CRACDL: variants seen among roughly 807,000 people sequenced by gnomAD.
The protein encoded by CRACDL is CRACD like, also known as CRACD-like protein.
In CRACDL, 26 loss-of-function variants were observed where a neutral mutation model predicts 70.6. The observed-to-expected ratio is 0.37, with a 90% CI of 0.27 to 0.51. The LOEUF (loss-of-function observed/expected upper bound fraction) is 0.51, where lower values mean the gene tolerates loss of function less well. Among genes scored for constraint, CRACDL ranks in the 20% least tolerant of loss-of-function variants. The pLI is 0.94. For missense variants in CRACDL, 1,283 were observed against 1,376.9 expected (o/e 0.93, Z 1.08); for synonymous variants, 618 against 615.2 (o/e 1.00, Z -0.07).
At chr2:98,834,954 G>A (rs72811067) in intron 3 of CRACDL, among the ~76,000 whole-genome samples, 1 of 152,054 alleles carries the variant, frequency 6.6e-6, no homozygotes, top group Non-Finnish European at 1.5e-5. Flanking sequence ...ATATGAAATT[G>A]CACTCTGTAG....
intron 9 of CRACDL, among the ~76,000 whole-genome samples, chr2:98,795,460 G>A (rs968111158): frequency 2.0e-5 from 3 of 152,072 alleles, no homozygotes; most frequent in African/African-American, 4.8e-5. Flanking sequence ...AGATATAAAA[G>A]GGTACATACG....
At chr2:98,849,021 G>T (rs1706373712) in intron 1 of CRACDL, among the ~76,000 whole-genome samples, 1 of 152,250 alleles carries the variant, frequency 6.6e-6, no homozygotes, top group Non-Finnish European at 1.5e-5. Flanking sequence ...AGTGACAGAT[G>T]AGACCCACGT....
At chr2:98,893,072 C>T (rs1227859480) in intron 1 of CRACDL, among the ~76,000 whole-genome samples, 1 of 152,194 alleles carries the variant, frequency 6.6e-6, no homozygotes, top group Non-Finnish European at 1.5e-5. Context: ...CCCAGAAAGG[C>T]CCTTCCCAGG....
intron 1 of CRACDL, among the ~76,000 whole-genome samples, chr2:98,862,819 T>C (rs1404071783): frequency 4.6e-5 from 7 of 152,002 alleles, no homozygotes; most frequent in African/African-American, 1.7e-4. Context: ...AACATACACA[T>C]TGTAAGAGTT....
chr2:98,871,679 C>A (rs1707351579), intron 1 of CRACDL, among the ~76,000 whole-genome samples: 1 of 152,172 alleles, frequency 6.6e-6, no homozygotes, highest in African/African-American at 2.4e-5. Context: ...AAGGAGATAA[C>A]CCAGCATTCT....
chr2:98,879,153 C>A (rs561604998), intron 1 of CRACDL, among the ~76,000 whole-genome samples: 1 of 152,306 alleles, frequency 6.6e-6, no homozygotes, highest in South Asian at 2.1e-4. Flanking sequence ...GAAACCAGTT[C>A]TTTTCATCTT....
intron 7 of CRACDL, among the ~76,000 whole-genome samples, chr2:98,820,965 C>T (rs766040529): frequency 4.6e-5 from 7 of 152,146 alleles, no homozygotes; most frequent in Non-Finnish European, 1.0e-4. Flanking sequence ...ATAGCTTAGG[C>T]CCTGAAAGAA....
chr2:98,922,912 A>G (rs550681903), intron 1 of CRACDL, among the ~76,000 whole-genome samples: 9 of 152,360 alleles, frequency 5.9e-5, no homozygotes, highest in African/African-American at 2.2e-4. Context: ...AATGAAATAT[A>G]GAATTCAATA....
chr2:98,883,072 G>A (rs1364838357), intron 1 of CRACDL, among the ~76,000 whole-genome samples: 3 of 152,224 alleles, frequency 2.0e-5, no homozygotes, highest in South Asian at 2.1e-4. Context: ...AGGATGAAGC[G>A]TCTTAGAGTG....
intron 1 of CRACDL, among the ~76,000 whole-genome samples, chr2:98,860,718 T>C (rs1706903788): frequency 6.6e-6 from 1 of 152,172 alleles, no homozygotes; most frequent in Non-Finnish European, 1.5e-5. Context: ...TAGGCAATAA[T>C]TACTCAGATG....
chr2:98,839,990 G>A (rs1311093741), intron 2 of CRACDL, among the ~76,000 whole-genome samples: 3 of 151,940 alleles, frequency 2.0e-5, no homozygotes, highest in African/African-American at 7.2e-5. Flanking sequence ...TCAGTTGAAT[G>A]TTTATTTCAT....
intron 1 of CRACDL, among the ~76,000 whole-genome samples, chr2:98,886,306 T>G (rs1179461316): frequency 6.6e-6 from 1 of 152,242 alleles, no homozygotes; most frequent in South Asian, 2.1e-4. Context: ...TCTCTCCCAC[T>G]GAGGTGCTTG....
intron 8 of CRACDL, among the ~76,000 whole-genome samples, chr2:98,796,815 G>C (rs1490450188): frequency 6.6e-6 from 1 of 152,188 alleles, no homozygotes; most frequent in East Asian, 1.9e-4. Context: ...AGGCATAGTT[G>C]TTTGGGTTGG....
At chr2:98,911,200 T>A (rs1191642142) in intron 1 of CRACDL, among the ~76,000 whole-genome samples, 2 of 152,162 alleles carry the variant, frequency 1.3e-5, no homozygotes, top group African/African-American at 2.4e-5. Flanking sequence ...AAGGGGCATA[T>A]GAATTCTGGC....
At chr2:98,918,539 C>CAAAAA (rs58312556) in intron 1 of CRACDL, among the ~76,000 whole-genome samples, 2 of 66,360 alleles carry the variant, frequency 3.0e-5, no homozygotes, top group East Asian at 6.2e-4. Flanking sequence ...TGTTGTCTAC[C>CAAAAA]AAAAAAAAAA....
intron 6 of CRACDL, among the ~76,000 whole-genome samples, chr2:98,825,077 C>A (rs1310174108): frequency 6.6e-6 from 1 of 151,858 alleles, no homozygotes; most frequent in Non-Finnish European, 1.5e-5. Context: ...TCTGAAAGCA[C>A]CTTGATCCCT....
intron 5 of CRACDL, among the ~76,000 whole-genome samples, chr2:98,827,935 C>G (rs1453067518): frequency 2.0e-5 from 3 of 152,214 alleles, no homozygotes; most frequent in Non-Finnish European, 4.4e-5. Flanking sequence ...ATCACTGGAG[C>G]CCTGTTGGTT....
chr2:98,919,523 C>T (rs1014857710), intron 1 of CRACDL, among the ~76,000 whole-genome samples: 2 of 152,118 alleles, frequency 1.3e-5, no homozygotes, highest in African/African-American at 4.8e-5. Flanking sequence ...CATCCCTTAA[C>T]TACTTACTTA....
intron 6 of CRACDL, among the ~76,000 whole-genome samples, chr2:98,824,964 G>A (rs1352073788): frequency 6.6e-6 from 1 of 152,208 alleles, no homozygotes; most frequent in Non-Finnish European, 1.5e-5. Flanking sequence ...AACCTCTTTA[G>A]GATGGAGGTC....
Sources: gnomAD v4.1 joint callset for allele counts (sites outside exome capture counted in the v4.1 genomes callset) on GRCh38, gnomAD v4.1.1 for gene constraint, MANE v1.5 for transcripts, NCBI Gene and HGNC (gene_info 2026-07-23, HGNC 2026-07-21) for gene names.